DNAAF11: variants seen among roughly 807,000 people sequenced by gnomAD.
The protein encoded by DNAAF11 is dynein axonemal assembly factor 11.
A neutral mutation model predicts 60.8 loss-of-function variants in DNAAF11; 45 were observed. The ratio of observed to expected loss-of-function variants is 0.74; its 90% confidence interval spans 0.58 to 0.95. The LOEUF (loss-of-function observed/expected upper bound fraction) is 0.95, where lower values mean the gene tolerates loss of function less well. Among genes scored for constraint, DNAAF11 ranks in the 40% least tolerant of loss-of-function variants. The pLI is 0.00. For synonymous variants in DNAAF11, 191 were observed against 183.5 expected (o/e 1.04, Z -0.33); for missense variants, 546 against 546.2 (o/e 1.00, Z 0.00).
At chr8:132,577,961 C>T (rs1321290181) in intron 11 of DNAAF11, among the ~76,000 whole-genome samples, 1 of 152,150 alleles carries the variant, frequency 6.6e-6, no homozygotes, top group Non-Finnish European at 1.5e-5. Context: ...GCCACCATGC[C>T]TGGCCAGGCA....
intron 11 of DNAAF11, among the ~76,000 whole-genome samples, chr8:132,577,664 A>G (rs1363635154): frequency 2.0e-5 from 3 of 151,980 alleles, no homozygotes. Context: ...GCACTTTTTT[A>G]TTTTTATTTT....
chr8:132,687,348 T>C, the DNAAF11 span: 240 of 236,412 alleles, frequency 1.0e-3, 1 homozygote, highest in African/African-American at 5.1e-3. Flanking sequence ...TCTAAGCACT[T>C]GGGGGCATCA....
intron 1 of DNAAF11, among the ~76,000 whole-genome samples, chr8:132,673,643 G>A (rs550829548): frequency 6.6e-6 from 1 of 152,186 alleles, no homozygotes; most frequent in African/African-American, 2.4e-5. Context: ...CCACCAAGAA[G>A]CCCTGCTCTT....
intron 10 of DNAAF11, among the ~76,000 whole-genome samples, chr8:132,585,198 G>C (rs961168018): frequency 2.6e-5 from 4 of 152,174 alleles, no homozygotes; most frequent in Non-Finnish European, 5.9e-5. Context: ...TTTGGGCTCT[G>C]ATGGATGCCC....
At chr8:132,693,879 A>C in the DNAAF11 span, among the ~76,000 whole-genome samples, 1 of 152,172 alleles carries the variant, frequency 6.6e-6, no homozygotes, top group African/African-American at 2.4e-5. Flanking sequence ...GAGGACAGAG[A>C]TGGAGCTGGA....
At chr8:132,659,600 G>A (rs577423554) in intron 2 of DNAAF11, among the ~76,000 whole-genome samples, 1 of 152,054 alleles carries the variant, frequency 6.6e-6, no homozygotes, top group Non-Finnish European at 1.5e-5. Context: ...CTTTTTAATT[G>A]AACAATGTGC....
the DNAAF11 span, among the ~76,000 whole-genome samples, chr8:132,697,436 G>A: frequency 6.6e-6 from 1 of 152,088 alleles, no homozygotes; most frequent in Non-Finnish European, 1.5e-5. Flanking sequence ...TAGCCAAGAT[G>A]GCAAAACCCC....
intron 10 of DNAAF11, among the ~76,000 whole-genome samples, chr8:132,609,917 A>C (rs779141553): frequency 9.2e-5 from 14 of 152,180 alleles, no homozygotes; most frequent in Non-Finnish European, 1.8e-4. Flanking sequence ...TGGACAAATT[A>C]ATTTTTTTAA....
At chr8:132,576,463 A>G (rs533733841) in intron 11 of DNAAF11, among the ~76,000 whole-genome samples, 1 of 152,334 alleles carries the variant, frequency 6.6e-6, no homozygotes, top group Admixed American at 6.5e-5. Context: ...GTACTTAAAG[A>G]AGCTATATGA....
intron 8 of DNAAF11, among the ~76,000 whole-genome samples, chr8:132,612,353 A>G (rs1205686056): frequency 2.6e-5 from 4 of 152,188 alleles, no homozygotes. Context: ...CACATGTGAT[A>G]TCTACACTTA....
the DNAAF11 span, among the ~76,000 whole-genome samples, chr8:132,688,148 T>C: frequency 6.6e-6 from 1 of 152,194 alleles, no homozygotes; most frequent in Admixed American, 6.5e-5. Flanking sequence ...GATCACCTCA[T>C]AAATGTCCCG....
the DNAAF11 span, among the ~76,000 whole-genome samples, chr8:132,697,724 C>T: frequency 7.9e-5 from 12 of 152,064 alleles, no homozygotes; most frequent in South Asian, 2.1e-3. Flanking sequence ...TGACTGGAAT[C>T]GTACTAGAGA....
At chr8:132,626,212 C>T (rs1007034646) in intron 5 of DNAAF11, among the ~76,000 whole-genome samples, 13 of 151,986 alleles carry the variant, frequency 8.6e-5, no homozygotes, top group African/African-American at 2.4e-4. Flanking sequence ...CCACCACACC[C>T]GGCTAATTTT....
chr8:132,626,959 A>G (rs75212990), intron 5 of DNAAF11, among the ~76,000 whole-genome samples: 1,676 of 152,348 alleles, frequency 0.011, 26 homozygotes, highest in African/African-American at 0.038. Flanking sequence ...TGAACTGAAA[A>G]TACTAGAACA....
chr8:132,695,106 G>A, the DNAAF11 span, among the ~76,000 whole-genome samples: 1 of 152,154 alleles, frequency 6.6e-6, no homozygotes, highest in Non-Finnish European at 1.5e-5. Flanking sequence ...TTTAACATGG[G>A]CTACTTGCAT....
At chr8:132,633,015 A>T in intron 4 of DNAAF11, 52 bp from the exon 5 acceptor site, 5 of 1,259,680 alleles carry the variant, frequency 4.0e-6, no homozygotes, top group Non-Finnish European at 4.6e-6. Flanking sequence ...AGCAGTGTGA[A>T]TCAGCCCCAG....
At chr8:132,630,592 T>C (rs1161331947) in intron 5 of DNAAF11, among the ~76,000 whole-genome samples, 1 of 152,120 alleles carries the variant, frequency 6.6e-6, no homozygotes, top group Non-Finnish European at 1.5e-5. Flanking sequence ...TAAAGACAAG[T>C]CACAGACTGG....
chr8:132,699,185 G>C, the DNAAF11 span, among the ~76,000 whole-genome samples: 1 of 151,840 alleles, frequency 6.6e-6, no homozygotes, highest in Non-Finnish European at 1.5e-5. Context: ...TGTGTGACCA[G>C]GGGTGGCGTG....
chr8:132,626,781 C>A (rs1820325373), intron 5 of DNAAF11, among the ~76,000 whole-genome samples: 1 of 152,114 alleles, frequency 6.6e-6, no homozygotes. Context: ...ACAACTACAG[C>A]AAATAGTAGG....
Sources: gnomAD v4.1 joint callset for allele counts (sites outside exome capture counted in the v4.1 genomes callset) on GRCh38, gnomAD v4.1.1 for gene constraint, MANE v1.5 for transcripts, NCBI Gene and HGNC (gene_info 2026-07-23, HGNC 2026-07-21) for gene names.